SETBP1: variants seen among roughly 807,000 people sequenced by gnomAD.
SETBP1 encodes SET-binding protein.
SETBP1 carries 9 observed loss-of-function variants against 101.0 expected under a neutral mutation model. The observed-to-expected ratio is 0.09, with a 90% CI of 0.05 to 0.16. SETBP1 has a LOEUF of 0.16. Ranked by LOEUF, SETBP1 falls within the 10% of genes least tolerant of loss-of-function variation. SETBP1 has a pLI of 1.00. For missense variants in SETBP1, 1,858 were observed against 2,033.8 expected, an observed-to-expected ratio of 0.91 and a Z score of 1.66; for synonymous variants, 818 against 788.5, an observed-to-expected ratio of 1.04 and a Z score of -0.63.
At chr18:45,052,758 T>C (rs138778290) in intron 5 of SETBP1, among the ~76,000 whole-genome samples, 88 of 152,324 alleles carry the variant, frequency 5.8e-4, no homozygotes, top group African/African-American at 1.9e-3. Flanking sequence ...TAAATTGACA[T>C]CTTTTTCTTT....
In SETBP1 at chr18:44,990,038, A is replaced by G. The variant is rs1380270144; in HGVS notation, c.4000+36698A>G. Among the ~76,000 whole-genome samples the G allele has an allele frequency of 2.0e-5, 3 of 152,018 alleles. No homozygotes were observed. The East Asian group carries it at 5.8e-4, about 29-fold the overall frequency. On this transcript the variant is annotated intron_variant, in intron 4 of 5. Coordinates refer to ENST00000649279, the MANE Select transcript of SETBP1 (RefSeq NM_015559.3). Reference sequence around the variant, plus strand: ...CAATGAAATCTAGTATATGGTTAAAAACTATCTTCAAAGTATATAAAGAAA... The same window carrying G: ...CAATGAAATCTAGTATATGGTTAAAGACTATCTTCAAAGTATATAAAGAAA...
intron 4 of SETBP1, among the ~76,000 whole-genome samples, chr18:45,031,632 A>G (rs974162714): frequency 1.4e-4 from 22 of 152,214 alleles, no homozygotes; most frequent in Non-Finnish European, 2.6e-4. Flanking sequence ...GTTTCCTAAA[A>G]GGTTTGAGCC....
intron 2 of SETBP1, among the ~76,000 whole-genome samples, chr18:44,812,111 A>C (rs2071875727): frequency 6.6e-6 from 1 of 152,024 alleles, no homozygotes; most frequent in African/African-American, 2.4e-5. Context: ...TGGGGCTCTC[A>C]TGAGGAGACT....
intron 3 of SETBP1, among the ~76,000 whole-genome samples, chr18:44,879,535 T>C (rs936257797): frequency 2.6e-5 from 4 of 152,208 alleles, no homozygotes; most frequent in South Asian, 2.1e-4. Flanking sequence ...AAGTCAGGGT[T>C]AGAGCACAAA....
At chr18:44,747,753 T>A (rs894259726) in intron 2 of SETBP1, among the ~76,000 whole-genome samples, 12 of 152,250 alleles carry the variant, frequency 7.9e-5, no homozygotes, top group Non-Finnish European at 1.6e-4. Context: ...AACAACTGGT[T>A]CAACAAAGCT....
chr18:45,026,256 A>C (rs115661895), intron 4 of SETBP1, among the ~76,000 whole-genome samples: 1,704 of 152,328 alleles, frequency 0.011, 31 homozygotes, highest in African/African-American at 0.039. Context: ...CATAACAAGC[A>C]TACACCAGGA....
chr18:44,848,315 G>A (rs1211941067), intron 2 of SETBP1, among the ~76,000 whole-genome samples: 1 of 152,146 alleles, frequency 6.6e-6, no homozygotes, highest in African/African-American at 2.4e-5. Flanking sequence ...ATTGATGGAA[G>A]GCCACTAGAG....
chr18:44,863,311 A>G (rs1039868251), intron 2 of SETBP1, among the ~76,000 whole-genome samples: 2 of 152,328 alleles, frequency 1.3e-5, no homozygotes, highest in Non-Finnish European at 1.5e-5. Context: ...TTTGGGTTGC[A>G]TACATACAGT....
chr18:44,707,823 A>G (rs1235445922), intron 2 of SETBP1, among the ~76,000 whole-genome samples: 1 of 152,190 alleles, frequency 6.6e-6, no homozygotes, highest in Admixed American at 6.5e-5. Flanking sequence ...GCTTTGAATC[A>G]GGGAGAAGGA....
intron 3 of SETBP1, chr18:44,870,707 A>G (rs1225480791): frequency 6.6e-6 from 1 of 152,170 alleles, no homozygotes; most frequent in East Asian, 1.9e-4. Flanking sequence ...CCAGGTAAAT[A>G]TTTTGTTTTA....
chr18:44,801,707 G>A (rs950786641), intron 2 of SETBP1, among the ~76,000 whole-genome samples: 1 of 151,130 alleles, frequency 6.6e-6, no homozygotes, highest in African/African-American at 2.4e-5. Flanking sequence ...TATTACACTT[G>A]TTTATTGAGC....
intron 2 of SETBP1, among the ~76,000 whole-genome samples, chr18:44,750,686 C>T (rs188423071): frequency 3.9e-5 from 6 of 152,244 alleles, no homozygotes; most frequent in Non-Finnish European, 7.4e-5. Context: ...AGACTTCTTC[C>T]GGGTTTCCTA....
At chr18:44,763,034 T>G (rs2144596737) in intron 2 of SETBP1, among the ~76,000 whole-genome samples, 1 of 152,344 alleles carries the variant, frequency 6.6e-6, no homozygotes, top group South Asian at 2.1e-4. Flanking sequence ...TAATAAGTGC[T>G]ATATGAGCAG....
intron 5 of SETBP1, among the ~76,000 whole-genome samples, chr18:45,048,674 T>C (rs1166457903): frequency 1.3e-5 from 2 of 152,000 alleles, no homozygotes; most frequent in African/African-American, 2.4e-5. Flanking sequence ...GAATGATATA[T>C]ACAAATAGAA....
intron 2 of SETBP1, among the ~76,000 whole-genome samples, chr18:44,770,239 A>G (rs1211973606): frequency 6.6e-6 from 1 of 152,228 alleles, no homozygotes; most frequent in Non-Finnish European, 1.5e-5. Context: ...TATGGCTAGC[A>G]TGTTTGGATG....
chr18:44,948,056 T>C (rs1238005672), intron 3 of SETBP1, among the ~76,000 whole-genome samples: 1 of 152,246 alleles, frequency 6.6e-6, no homozygotes, highest in Non-Finnish European at 1.5e-5. Context: ...TCTATGTTTT[T>C]GCTGAAAATG....
chr18:44,825,514 A>T (rs2072218920), intron 2 of SETBP1, among the ~76,000 whole-genome samples: 1 of 152,262 alleles, frequency 6.6e-6, no homozygotes, highest in Non-Finnish European at 1.5e-5. Context: ...GTTTTAAAAA[A>T]GACAAAGGCT....
chr18:44,682,150 T>C (rs1390645914), intron 1 of SETBP1, among the ~76,000 whole-genome samples: 5 of 152,258 alleles, frequency 3.3e-5, no homozygotes, highest in African/African-American at 4.8e-5. Flanking sequence ...TCACCAAAAC[T>C]ATCTGCCGAT....
chr18:44,851,048 G>A (rs949733438), intron 2 of SETBP1, among the ~76,000 whole-genome samples: 1 of 152,172 alleles, frequency 6.6e-6, no homozygotes, highest in Non-Finnish European at 1.5e-5. Context: ...GTCCTGAAGT[G>A]CACTATGTAA....
Sources: gnomAD v4.1 joint callset for allele counts (sites outside exome capture counted in the v4.1 genomes callset) on GRCh38, gnomAD v4.1.1 for gene constraint, MANE v1.5 for transcripts, NCBI Gene and HGNC (gene_info 2026-07-23, HGNC 2026-07-21) for gene names.